The following RNF135 variants were observed in gnomAD, a reference collection of about 807,000 sequenced individuals.
RNF135 encodes E3 ubiquitin-protein ligase RNF135.
Under a neutral mutation model 41.9 loss-of-function variants are expected in RNF135, and 46 were observed. That is an observed-to-expected ratio of 1.10 (90% CI 0.87 to 1.40). RNF135 has a LOEUF of 1.40. Ranked by LOEUF, RNF135 falls within the 40% of genes most tolerant of loss-of-function variation. RNF135 has a pLI of 0.00. For missense variants in RNF135, 539 were observed against 549.8 expected (o/e 0.98, Z 0.20); for synonymous variants, 238 against 223.8 (o/e 1.06, Z -0.57).
chr17:30,974,430 C>T (rs1056101999), intron 1 of RNF135, among the ~76,000 whole-genome samples: 2 of 152,058 alleles, frequency 1.3e-5, no homozygotes, highest in Middle Eastern at 6.8e-3. Context: ...TTGGCTTTTC[C>T]ATTTCTACAA....
intron 1 of RNF135, chr17:30,975,753 G>A (rs947606009): frequency 7.4e-6 from 9 of 1,210,748 alleles, no homozygotes; most frequent in African/African-American, 6.0e-5. Flanking sequence ...GTGTACATGG[G>A]TCATCGGGTA....
upstream of RNF135, among the ~76,000 whole-genome samples, chr17:30,969,579 T>C (rs1187339816): frequency 6.6e-6 from 1 of 152,104 alleles, no homozygotes; most frequent in Non-Finnish European, 1.5e-5. Flanking sequence ...TTAAAGCTGG[T>C]GGGAAGTAAC....
rs926818873 is a variant in RNF135 at position 30,980,646 on chromosome 17, C to A, written c.373-3971C>A. Among the ~76,000 whole-genome samples, 6 of 129,270 alleles carry A rather than the reference C, an allele frequency of 4.6e-5. No individual in the cohort carries two copies. The East Asian group carries it at 1.3e-3, about 28-fold the overall frequency. 84.8% of individuals were successfully genotyped at this position (129,270 alleles called of 152,430 possible). A position where few individuals can be genotyped will look rare whatever the true frequency, so the allele number is the denominator to read the frequency against. ...GCAGAGGGTTTCCTCACTTCTCAGACGGAGCGGCCGGGCAGAGACGCTCCT... is the reference window on the plus strand; with the variant it reads ...GCAGAGGGTTTCCTCACTTCTCAGAAGGAGCGGCCGGGCAGAGACGCTCCT... On this transcript the variant is annotated intron_variant, in intron 1 of 4. Coordinates refer to ENST00000328381, the MANE Select transcript of RNF135 (RefSeq NM_032322.4).
upstream of RNF135, chr17:30,968,667 C>A (rs561225930): frequency 2.6e-5 from 4 of 151,782 alleles, no homozygotes; most frequent in East Asian, 7.9e-4. Flanking sequence ...GGATTACAGG[C>A]GTGAGCCACT....
intron 1 of RNF135, among the ~76,000 whole-genome samples, chr17:30,979,751 G>A (rs1403234879): frequency 4.8e-5 from 6 of 124,810 alleles, no homozygotes; most frequent in South Asian, 2.7e-4. Flanking sequence ...GCGGCTGGCC[G>A]GGCAGGGGGC....
chr17:30,962,150 C>A, the RNF135 span, among the ~76,000 whole-genome samples: 3 of 150,068 alleles, frequency 2.0e-5, no homozygotes, highest in Non-Finnish European at 3.0e-5. Context: ...TTTTTTTTTC[C>A]CGAGATGGAG....
the RNF135 span, among the ~76,000 whole-genome samples, chr17:30,962,337 T>G: frequency 6.6e-6 from 1 of 152,122 alleles, no homozygotes. Flanking sequence ...TTTCACCATG[T>G]TGGCCAGGAT....
chr17:30,989,226 G>C (rs1473187814), intron 3 of RNF135, among the ~76,000 whole-genome samples: 2 of 151,964 alleles, frequency 1.3e-5, no homozygotes, highest in East Asian at 3.9e-4. Context: ...AAAGTAACCA[G>C]ATGTGGTGGT....
chr17:30,989,386 AC>A (rs1456192950), intron 3 of RNF135, among the ~76,000 whole-genome samples: 1 of 152,028 alleles, frequency 6.6e-6, no homozygotes, highest in African/African-American at 2.4e-5. Flanking sequence ...CCACTTTGTA[AC>A]TAGTTCTTGA....
intron 1 of RNF135, among the ~76,000 whole-genome samples, chr17:30,978,385 G>A (rs1024969571): frequency 6.6e-6 from 1 of 151,840 alleles, no homozygotes; most frequent in Admixed American, 6.6e-5. Context: ...CCCCTTTGAG[G>A]CCATTTTCTA....
intron 4 of RNF135, among the ~76,000 whole-genome samples, chr17:30,998,246 A>G (rs940182460): frequency 6.6e-6 from 1 of 152,116 alleles, no homozygotes; most frequent in African/African-American, 2.4e-5. Flanking sequence ...TTGACATATA[A>G]TAATTGTATA....
chr17:30,983,236 T>A (rs948716064), intron 1 of RNF135, among the ~76,000 whole-genome samples: 2 of 149,480 alleles, frequency 1.3e-5, no homozygotes, highest in African/African-American at 4.9e-5. Context: ...AGTTTATGAA[T>A]CTCTTTGAGA....
chr17:30,992,629 C>G (rs185618001), intron 3 of RNF135, among the ~76,000 whole-genome samples: 99 of 151,870 alleles, frequency 6.5e-4, no homozygotes, highest in South Asian at 2.5e-3. Context: ...CCGCACCTGG[C>G]TAATTCTTGT....
rs751817020 is a variant in RNF135 at position 30,999,153 on chromosome 17, C to T, written c.1261C>T (p.Pro421Ser). 1.9e-6 allele frequency: 3 copies of T among 1,613,968 alleles called. No individual in the cohort carries two copies. In the East Asian group the frequency reaches 6.7e-5, roughly 36 times the overall value. Reference sequence around the variant, plus strand: ...TGCCTTCTGGCTGTATGGCTTACATCCTGGAAATTACCTGATAATAAAGCA... The same window carrying T: ...TGCCTTCTGGCTGTATGGCTTACATTCTGGAAATTACCTGATAATAAAGCA... The part of the protein sequence containing the change: ...YPAFWLYGLH[P>S]GNYLIIKQVK... The change falls in exon 5 of 5, where the codon CCT becomes TCT. Residue 421 changes from proline (P) to serine (S), a missense_variant. Physicochemically the swap from Pro to Ser is moderately conservative, Grantham distance 74. Transcript: ENST00000328381.
At chr17:30,981,313 C>T (rs1907135973) in intron 1 of RNF135, among the ~76,000 whole-genome samples, 1 of 144,420 alleles carries the variant, frequency 6.9e-6, no homozygotes, top group Non-Finnish European at 1.5e-5. Context: ...GGCAGCAGTA[C>T]CGTCCAGCTT....
Position 30,999,866 on chromosome 17 carries a change from A to G in RNF135, c.*675A>G, listed in dbSNP as rs1908622108. ...TGTGCCTTTCTTCATTGCTGATTTTAATCTGTATCCTTTCACTGTAATAAA... is the reference window on the plus strand; with the variant it reads ...TGTGCCTTTCTTCATTGCTGATTTTGATCTGTATCCTTTCACTGTAATAAA... On this transcript the variant is annotated 3_prime_UTR_variant, in exon 5 of 5. Transcript: ENST00000328381. 6.5e-6 allele frequency: 1 copy of G among 153,832 alleles called. No individual in the cohort carries two copies. The highest frequency in any genetic ancestry group is 1.5e-5 in the Non-Finnish European group (1 of 68,910). 9.5% of individuals were successfully genotyped at this position (153,832 alleles called of 1,614,324 possible).
At chr17:30,998,469 G>A (rs1339475586) in intron 4 of RNF135, among the ~76,000 whole-genome samples, 193 bp from the exon 5 acceptor site, 5 of 152,140 alleles carry the variant, frequency 3.3e-5, no homozygotes, top group South Asian at 2.1e-4. Flanking sequence ...ATAGTGATCC[G>A]ATCAAGGTAG....
the RNF135 span, among the ~76,000 whole-genome samples, chr17:30,963,095 T>C: frequency 9.4e-6 from 1 of 106,332 alleles, no homozygotes; most frequent in Admixed American, 8.2e-5. Flanking sequence ...TTCCCTAGCT[T>C]TTTTTTTTTT....
upstream of RNF135, among the ~76,000 whole-genome samples, chr17:30,968,596 G>A (rs1360126983): frequency 1.3e-5 from 2 of 151,656 alleles, no homozygotes; most frequent in African/African-American, 4.8e-5. Context: ...CACCGTGTTA[G>A]CCAGAATGGT....
Sources: allele counts gnomAD v4.1 joint callset (sites outside exome capture counted in the v4.1 genomes callset), GRCh38; gene constraint gnomAD v4.1.1; transcripts MANE v1.5; gene names NCBI Gene and HGNC (gene_info 2026-07-23, HGNC 2026-07-21).